The following PPFIBP1 variants were observed in gnomAD, a reference collection of about 807,000 sequenced individuals.
PPFIBP1 encodes PPFIB scaffold protein 1, also known as liprin-beta-1.
A neutral mutation model predicts 137.8 loss-of-function variants in PPFIBP1; 112 were observed. That is an observed-to-expected ratio of 0.81 (90% CI 0.70 to 0.95). PPFIBP1 has a LOEUF of 0.95. Among genes scored for constraint, PPFIBP1 ranks in the 40% least tolerant of loss-of-function variants. PPFIBP1 has a pLI of 0.00. For missense variants in PPFIBP1, 1,083 were observed against 1,196.6 expected, an observed-to-expected ratio of 0.91 and a Z score of 1.40; for synonymous variants, 378 against 417.3, an observed-to-expected ratio of 0.91 and a Z score of 1.15.
intron 1 of PPFIBP1, among the ~76,000 whole-genome samples, chr12:27,566,037 T>G (rs2049630600): frequency 6.6e-6 from 1 of 152,190 alleles, no homozygotes; most frequent in African/African-American, 2.4e-5. Context: ...GTCATTAATA[T>G]GCTTCTCCTA....
At chr12:27,691,639 T>C in intron 27 of PPFIBP1, 110 bp from the exon 28 acceptor site, 2 of 724,428 alleles carry the variant, frequency 2.8e-6, no homozygotes, top group South Asian at 2.2e-5. Flanking sequence ...AATTAAATTA[T>C]ACATATAGGA....
chr12:27,539,101 G>A (rs1565727798), intron 1 of PPFIBP1, among the ~76,000 whole-genome samples: 1 of 152,200 alleles, frequency 6.6e-6, no homozygotes, highest in Non-Finnish European at 1.5e-5. Flanking sequence ...TTAAAGAGTT[G>A]TGAAGATGAA....
At chr12:27,684,989 C>T (rs2061109753) in intron 24 of PPFIBP1, among the ~76,000 whole-genome samples, 1 of 152,044 alleles carries the variant, frequency 6.6e-6, no homozygotes, top group Non-Finnish European at 1.5e-5. Flanking sequence ...TAAGGTCCTC[C>T]TTCTGTTCCA....
At chr12:27,611,726 C>T (rs2055132411) in intron 2 of PPFIBP1, among the ~76,000 whole-genome samples, 1 of 151,800 alleles carries the variant, frequency 6.6e-6, no homozygotes. Context: ...AATTTTATTT[C>T]TTTTTCCCAG....
chr12:27,525,636 A>G (rs553169743), intron 1 of PPFIBP1, among the ~76,000 whole-genome samples: 59 of 151,824 alleles, frequency 3.9e-4, no homozygotes, highest in Non-Finnish European at 6.5e-4. Flanking sequence ...AGGAAATGGG[A>G]GTGGACTTCA....
At chr12:27,624,711 A>G (rs557464174) in intron 2 of PPFIBP1, among the ~76,000 whole-genome samples, 173 of 152,264 alleles carry the variant, frequency 1.1e-3, no homozygotes, top group African/African-American at 3.8e-3. Context: ...CTGCCTTACA[A>G]TCCTCTGTGA....
intron 9 of PPFIBP1, 71 bp downstream of exon 9, chr12:27,656,801 T>C: frequency 2.0e-6 from 2 of 1,008,864 alleles, no homozygotes; most frequent in Admixed American, 3.8e-5. Context: ...AGGAAACCAA[T>C]GAAAATCAAT....
intron 24 of PPFIBP1, 107 bp from the exon 25 acceptor site, chr12:27,687,278 G>A (rs2061260676): frequency 3.6e-6 from 5 of 1,371,940 alleles, no homozygotes; most frequent in Non-Finnish European, 3.9e-6. Context: ...GGGGCATATT[G>A]GTTTGAGGGG....
At chr12:27,571,561 A>G (rs2050151065) in intron 1 of PPFIBP1, among the ~76,000 whole-genome samples, 4 of 152,170 alleles carry the variant, frequency 2.6e-5, no homozygotes, top group Admixed American at 2.6e-4. Flanking sequence ...GGGGCATTTT[A>G]TGGGAAAGAG....
At chr12:27,573,778 T>C (rs1260904019) in intron 1 of PPFIBP1, among the ~76,000 whole-genome samples, 1 of 151,688 alleles carries the variant, frequency 6.6e-6, no homozygotes, top group Admixed American at 6.6e-5. Flanking sequence ...AAACCAGGAG[T>C]TAGAAACCAG....
chr12:27,569,850 C>T (rs117764618), intron 1 of PPFIBP1, among the ~76,000 whole-genome samples: 3,089 of 152,172 alleles, frequency 0.02, 63 homozygotes, highest in Non-Finnish European at 0.03. Context: ...TGAGCCACCG[C>T]GTCCAGCCTA....
chr12:27,645,598 G>A lies in PPFIBP1; in HGVS notation c.271-464G>A, dbSNP rs74074059. Among the ~76,000 whole-genome samples the A allele has an allele frequency of 5.4e-4, 83 of 152,342 alleles. 1 individual carries two copies. Among genetic ancestry groups the A allele is most frequent in the Middle Eastern group, 3.4e-3 (1 of 294 alleles). On this transcript the variant is annotated intron_variant, in intron 4 of 29. Transcript: ENST00000228425. ...GTTATACAAAGAAGCAAACTCACAA[G>A]TTAATAAGATCAGGACAAAAAGTGT...
chr12:27,664,246 C>T (rs571595031), intron 11 of PPFIBP1, 116 bp from the exon 12 acceptor site: 182 of 681,062 alleles, frequency 2.7e-4, no homozygotes, highest in Middle Eastern at 1.5e-3. Flanking sequence ...AATGCTCTCT[C>T]GGCAGAATCA....
At chr12:27,595,609 C>T (rs1410594474) in intron 2 of PPFIBP1, among the ~76,000 whole-genome samples, 2 of 152,100 alleles carry the variant, frequency 1.3e-5, no homozygotes, top group East Asian at 1.9e-4. Flanking sequence ...AATCCCAGCA[C>T]TTTGGGAGGC....
At chr12:27,526,750 G>GC (rs1943798942) in intron 1 of PPFIBP1, among the ~76,000 whole-genome samples, 1 of 152,118 alleles carries the variant, frequency 6.6e-6, no homozygotes, top group African/African-American at 2.4e-5. Flanking sequence ...CAGGAGAATC[G>GC]CTTGAACCCA....
chr12:27,540,930 T>C (rs1945584004), intron 1 of PPFIBP1, among the ~76,000 whole-genome samples: 1 of 152,244 alleles, frequency 6.6e-6, no homozygotes, highest in Non-Finnish European at 1.5e-5. Flanking sequence ...TCCTCTATCA[T>C]AGTTGCTGCA....
intron 2 of PPFIBP1, among the ~76,000 whole-genome samples, chr12:27,587,849 A>G (rs1223572941): frequency 2.6e-5 from 4 of 152,100 alleles, no homozygotes; most frequent in Non-Finnish European, 5.9e-5. Flanking sequence ...CCTAGTCCAC[A>G]TTCAAAACCA....
chr12:27,566,780 G>T (rs61577192), intron 1 of PPFIBP1, among the ~76,000 whole-genome samples: 2,493 of 152,262 alleles, frequency 0.016, 65 homozygotes, highest in African/African-American at 0.057. Flanking sequence ...CTTGTTTAAG[G>T]CCACACGGTC....
intron 2 of PPFIBP1, among the ~76,000 whole-genome samples, chr12:27,609,307 C>T (rs541897041): frequency 1.3e-5 from 2 of 152,330 alleles, no homozygotes; most frequent in East Asian, 3.9e-4. Flanking sequence ...ACTTGCTCCT[C>T]CTCCAGTGTT....
Sources: gnomAD v4.1 joint callset for allele counts (sites outside exome capture counted in the v4.1 genomes callset) on GRCh38, gnomAD v4.1.1 for gene constraint, MANE v1.5 for transcripts, NCBI Gene and HGNC (gene_info 2026-07-23, HGNC 2026-07-21) for gene names.